ZWILCH: variants seen among roughly 807,000 people sequenced by gnomAD.
ZWILCH encodes protein zwilch homolog.
ZWILCH carries 74 observed loss-of-function variants against 79.9 expected under a neutral mutation model. The ratio of observed to expected loss-of-function variants is 0.93; its 90% CI spans 0.77 to 1.12. ZWILCH has a LOEUF of 1.12. ZWILCH is among the 50% of genes most tolerant of loss of function. The pLI is 0.00. For missense variants in ZWILCH, 694 were observed against 687.5 expected, an observed-to-expected ratio of 1.01 and a Z score of -0.11; for synonymous variants, 241 against 228.2, an observed-to-expected ratio of 1.06 and a Z score of -0.51.
intron 2 of ZWILCH, among the ~76,000 whole-genome samples, chr15:66,509,559 C>T (rs1292840467): frequency 2.6e-5 from 4 of 151,920 alleles, no homozygotes; most frequent in Non-Finnish European, 5.9e-5. Flanking sequence ...TTTGGTTATC[C>T]ATTCACCAGT....
intron 8 of ZWILCH, among the ~76,000 whole-genome samples, chr15:66,525,966 G>A (rs943766925): frequency 7.9e-5 from 12 of 151,634 alleles, no homozygotes; most frequent in Admixed American, 5.9e-4. Context: ...GTTTCGCCAC[G>A]TTGGCCAGGC....
At chr15:66,532,865 G>T in intron 13 of ZWILCH, 120 bp from the exon 14 acceptor site, 1 of 681,068 alleles carries the variant, frequency 1.5e-6, no homozygotes, top group Non-Finnish European at 2.2e-6. Context: ...AATTTATATA[G>T]ATTCCTTAAT....
At chr15:66,538,900 TC>T (rs1895106243) in intron 16 of ZWILCH, among the ~76,000 whole-genome samples, 2 of 152,176 alleles carry the variant, frequency 1.3e-5, no homozygotes, top group African/African-American at 4.8e-5. Flanking sequence ...CTTCCTATCT[TC>T]CCTTGGTGAT....
At chr15:66,507,078 G>T (rs1030992435) in intron 1 of ZWILCH, among the ~76,000 whole-genome samples, 13 of 152,094 alleles carry the variant, frequency 8.5e-5, no homozygotes, top group Non-Finnish European at 1.6e-4. Context: ...GGCCAGGATG[G>T]TCTCAATCTC....
In ZWILCH at chr15:66,534,182, CT is replaced by C. The variant is rs148254176; in HGVS notation, c.1341+1177del. ...GTGGATTTCTTCTTGTCATTATTCTCTTTTTTTTCTTGTCATTCTCTAAACA... is the reference window on the plus strand; with the variant it reads ...GTGGATTTCTTCTTGTCATTATTCTCTTTTTTTCTTGTCATTCTCTAAACA... On this transcript the variant is annotated intron_variant, in intron 14 of 18. Transcript: ENST00000307897. 2.8e-3 allele frequency among the ~76,000 whole-genome samples: 427 copies of C among 152,060 alleles called. 12 individuals carry two copies. In the East Asian group the frequency reaches 0.071, roughly 25 times the overall value.
At chr15:66,513,901 TGACTTGCATA>T in intron 2 of ZWILCH, 77 bp from the exon 3 acceptor site, 1 of 1,063,660 alleles carries the variant, frequency 9.4e-7, no homozygotes, top group South Asian at 1.6e-5. Flanking sequence ...AATTTTCCAT[TGACTTGCATA>T]GAACTGGTCT....
Position 66,520,613 on chromosome 15 carries a change from C to T in ZWILCH, c.544C>T (p.Leu182Phe), listed in dbSNP as rs542002882. The T allele has an allele frequency of 2.6e-6, 4 of 1,540,204 alleles. No individual in the cohort carries two copies. The East Asian group carries it at 9.0e-5, about 35-fold the overall frequency. The change falls in exon 6 of 19, where the codon CTT becomes TTT. Residue 182 changes from leucine (L) to phenylalanine (F), a missense_variant. Leu to Phe is a conservative substitution (Grantham distance 22). Coordinates refer to ENST00000307897, the MANE Select transcript of ZWILCH (RefSeq NM_017975.5). Reference sequence around the variant, plus strand: ...AGCTGATAAAAATTATTCTGTAAATCTTGAAAACCTAAAAAATTTACACAA... The same window carrying T: ...AGCTGATAAAAATTATTCTGTAAATTTTGAAAACCTAAAAAATTTACACAA... Reference protein sequence around the residue: ...CKADKNYSVNLENLKNLHKKR... With the variant: ...CKADKNYSVNFENLKNLHKKR...
chr15:66,509,840 T>TTTC lies in ZWILCH; in HGVS notation c.105+948_105+949insTTC, dbSNP rs1555423518. Among the ~76,000 whole-genome samples the TTTC allele has an allele frequency of 2.7e-3, 206 of 75,662 alleles. 4 individuals are homozygous for TTTC. The highest frequency in any genetic ancestry group is 0.012 in the Middle Eastern group (2 of 164). The allele number at this position is 75,662 out of a possible 152,430, so 49.6% of individuals were successfully genotyped here. A position where few individuals can be genotyped will look rare whatever the true frequency, so the allele number is the denominator to read the frequency against. On this transcript the variant is annotated intron_variant, in intron 2 of 18. Coordinates refer to ENST00000307897, the MANE Select transcript of ZWILCH (RefSeq NM_017975.5). ...GTGGCTACATATATATATATATATATATATATATATATATATATATATATA... is the reference window on the plus strand; with the variant it reads ...GTGGCTACATATATATATATATATATTTCATATATATATATATATATATATATA...
At chr15:66,525,567 A>G (rs764250450) in intron 8 of ZWILCH, among the ~76,000 whole-genome samples, 13 of 152,026 alleles carry the variant, frequency 8.6e-5, no homozygotes, top group Non-Finnish European at 1.6e-4. Flanking sequence ...TTCTGGGACC[A>G]TGCTAATGAT....
intron 14 of ZWILCH, among the ~76,000 whole-genome samples, chr15:66,535,020 A>G (rs1236736825): frequency 6.6e-6 from 1 of 152,030 alleles, no homozygotes; most frequent in African/African-American, 2.4e-5. Flanking sequence ...TTCTTATTCT[A>G]TGAGCTTTTT....
chr15:66,539,011 A>G (rs556615914), intron 16 of ZWILCH, among the ~76,000 whole-genome samples: 27 of 152,206 alleles, frequency 1.8e-4, no homozygotes, highest in African/African-American at 4.1e-4. Context: ...CTAAATGCCT[A>G]TTAGCTGTGA....
intron 2 of ZWILCH, among the ~76,000 whole-genome samples, chr15:66,513,229 C>G (rs73471778): frequency 0.067 from 10,146 of 152,166 alleles, 1,134 homozygotes; most frequent in African/African-American, 0.23. Context: ...CTGTACCCAG[C>G]CTGTTTTCAA....
At chr15:66,526,202 T>C (rs986666925) in intron 8 of ZWILCH, among the ~76,000 whole-genome samples, 1 of 152,178 alleles carries the variant, frequency 6.6e-6, no homozygotes, top group Non-Finnish European at 1.5e-5. Flanking sequence ...ATCATGTCAT[T>C]TTCCTGCCAA....
chr15:66,512,990 T>A (rs1396295970), intron 2 of ZWILCH, among the ~76,000 whole-genome samples: 4 of 152,062 alleles, frequency 2.6e-5, no homozygotes, highest in Non-Finnish European at 5.9e-5. Context: ...AGATGTGGTT[T>A]CACCAGTTTG....
chr15:66,511,649 C>T (rs1029600965), intron 2 of ZWILCH, among the ~76,000 whole-genome samples: 6 of 151,912 alleles, frequency 3.9e-5, no homozygotes, highest in African/African-American at 1.5e-4. Context: ...GATGGAGTCA[C>T]TCTGTCATCC....
chr15:66,541,013 C>T (rs113571757), intron 17 of ZWILCH, among the ~76,000 whole-genome samples: 4,932 of 150,656 alleles, frequency 0.033, 118 homozygotes, highest in Middle Eastern at 0.052. Context: ...CCCGGTGGTT[C>T]GAGCCTGTAA....
intron 17 of ZWILCH, among the ~76,000 whole-genome samples, chr15:66,543,654 G>A (rs1394913237): frequency 1.3e-5 from 2 of 152,108 alleles, no homozygotes; most frequent in African/African-American, 4.8e-5. Context: ...CTACTTGGGA[G>A]GCTGAGGTGG....
intron 10 of ZWILCH, 101 bp downstream of exon 10, chr15:66,528,013 TATCAA>T: frequency 2.2e-6 from 2 of 908,100 alleles, no homozygotes; most frequent in Non-Finnish European, 3.2e-6. Flanking sequence ...GGATTTGGGA[TATCAA>T]GGCAGCATTT....
chr15:66,541,548 T>C (rs1269982572), intron 17 of ZWILCH, among the ~76,000 whole-genome samples: 1 of 152,186 alleles, frequency 6.6e-6, no homozygotes, highest in Admixed American at 6.5e-5. Context: ...TCATAGTGTC[T>C]TCTCCATGGT....
Sources: gnomAD v4.1 joint callset for allele counts (sites outside exome capture counted in the v4.1 genomes callset) on GRCh38, gnomAD v4.1.1 for gene constraint, MANE v1.5 for transcripts, NCBI Gene and HGNC (gene_info 2026-07-23, HGNC 2026-07-21) for gene names.